NALF1: variants seen among roughly 807,000 people sequenced by gnomAD.
NALF1 encodes the protein NALCN channel auxiliary factor 1.
Under a neutral mutation model 48.4 loss-of-function variants are expected in NALF1, and 3 were observed. That is an observed-to-expected ratio of 0.06 (90% CI 0.03 to 0.16). NALF1 has a LOEUF of 0.16. Ranked by LOEUF, NALF1 falls within the 10% of genes least tolerant of loss-of-function variation. The pLI, the probability that NALF1 is intolerant of heterozygous loss-of-function variation, is 1.00. For synonymous variants in NALF1, 262 were observed against 245.7 expected, an observed-to-expected ratio of 1.07 and a Z score of -0.62; for missense variants, 526 against 571.5, an observed-to-expected ratio of 0.92 and a Z score of 0.81.
At chr13:107,273,077 G>C (rs572986064) in intron 1 of NALF1, among the ~76,000 whole-genome samples, 1 of 152,248 alleles carries the variant, frequency 6.6e-6, no homozygotes, top group African/African-American at 2.4e-5. Context: ...CTTTGAGGCT[G>C]GTTATAAAAC....
intron 1 of NALF1, among the ~76,000 whole-genome samples, chr13:107,230,967 G>A (rs531761658): frequency 1.3e-5 from 2 of 151,468 alleles, no homozygotes; most frequent in South Asian, 4.2e-4. Flanking sequence ...GGCTGAGGTG[G>A]GAGGATTGCT....
At chr13:107,598,148 C>A (rs1200481636) in intron 1 of NALF1, among the ~76,000 whole-genome samples, 1 of 152,144 alleles carries the variant, frequency 6.6e-6, no homozygotes, top group East Asian at 1.9e-4. Context: ...TGGACACACA[C>A]AACATGCACA....
chr13:107,229,492 GTTA>G (rs1880175334), intron 1 of NALF1, among the ~76,000 whole-genome samples: 1 of 152,252 alleles, frequency 6.6e-6, no homozygotes, highest in East Asian at 1.9e-4. Context: ...TTATATAACT[GTTA>G]TTATGCATCA....
chr13:107,783,259 C>G (rs77817119), intron 1 of NALF1, among the ~76,000 whole-genome samples: 3,351 of 43,944 alleles, frequency 0.076, 510 homozygotes, highest in Non-Finnish European at 0.11. Context: ...GCCCCCCGCC[C>G]GGCCAGTCGC....
chr13:107,753,655 T>C (rs555979396), intron 1 of NALF1, among the ~76,000 whole-genome samples: 10 of 152,318 alleles, frequency 6.6e-5, no homozygotes, highest in African/African-American at 2.4e-4. Context: ...ACAGAATACT[T>C]TCTGCATGGG....
At chr13:107,479,692 A>G (rs1885225207) in intron 1 of NALF1, among the ~76,000 whole-genome samples, 2 of 152,302 alleles carry the variant, frequency 1.3e-5, no homozygotes, top group East Asian at 1.9e-4. Flanking sequence ...TACATGCACC[A>G]CCAATTAATA....
intron 1 of NALF1, among the ~76,000 whole-genome samples, chr13:107,549,181 T>G (rs1160918871): frequency 6.6e-6 from 1 of 152,162 alleles, no homozygotes; most frequent in Non-Finnish European, 1.5e-5. Context: ...GCAAAATCAG[T>G]AGAAGTTAAT....
intron 1 of NALF1, among the ~76,000 whole-genome samples, chr13:107,863,217 A>T (rs1477969711): frequency 6.6e-6 from 1 of 152,112 alleles, no homozygotes; most frequent in Admixed American, 6.5e-5. Flanking sequence ...CATCTGAAAT[A>T]AGTAAAAGTG....
intron 1 of NALF1, among the ~76,000 whole-genome samples, chr13:107,816,720 T>G (rs117311297): frequency 0.017 from 2,614 of 152,222 alleles, 81 homozygotes; most frequent in African/African-American, 0.06. Context: ...TATGACAAAG[T>G]TTGCTGAACT....
chr13:107,223,762 T>C (rs1191434869), intron 1 of NALF1, among the ~76,000 whole-genome samples: 1 of 152,158 alleles, frequency 6.6e-6, no homozygotes, highest in African/African-American at 2.4e-5. Context: ...GTGTGTATCT[T>C]AGAGAAAAAT....
intron 1 of NALF1, among the ~76,000 whole-genome samples, chr13:107,277,251 C>A (rs1019963467): frequency 2.0e-5 from 3 of 152,020 alleles, no homozygotes; most frequent in African/African-American, 7.2e-5. Context: ...ATCTTAATTA[C>A]TTGTGTCTCC....
At chr13:107,865,648 T>C in intron 1 of NALF1, 34 bp downstream of exon 1, 2 of 1,597,718 alleles carry the variant, frequency 1.3e-6, no homozygotes, top group Non-Finnish European at 1.7e-6. Context: ...GATAGGAAAG[T>C]GCAGGAAAGG....
At chr13:107,246,640 C>T (rs1443340127) in intron 1 of NALF1, among the ~76,000 whole-genome samples, 1 of 152,158 alleles carries the variant, frequency 6.6e-6, no homozygotes, top group African/African-American at 2.4e-5. Flanking sequence ...TGATCAAGAA[C>T]ATTTTTCTAT....
chr13:107,338,165 G>GA (rs972333336), intron 1 of NALF1, among the ~76,000 whole-genome samples: 4 of 152,088 alleles, frequency 2.6e-5, no homozygotes, highest in African/African-American at 9.7e-5. Context: ...AAATAATAAT[G>GA]AAAAATATTT....
intron 1 of NALF1, among the ~76,000 whole-genome samples, chr13:107,739,687 C>G (rs923447236): frequency 6.6e-6 from 1 of 152,052 alleles, no homozygotes; most frequent in Non-Finnish European, 1.5e-5. Flanking sequence ...AATCCCCAAC[C>G]CCAGGTCCAT....
chr13:107,618,506 T>A (rs1248165594), intron 1 of NALF1, among the ~76,000 whole-genome samples: 3 of 152,018 alleles, frequency 2.0e-5, no homozygotes, highest in Non-Finnish European at 2.9e-5. Flanking sequence ...GTGCAGAAAA[T>A]GAATTAGAGT....
In NALF1 at chr13:107,573,184, A is replaced by C. The variant is rs547720958; in HGVS notation, c.915+292498T>G. On this transcript the variant is annotated intron_variant, in intron 1 of 2. Transcript: ENST00000375915. ...GACCACAGCAGCCAAGAGCCCACAG[A>C]ACTAGTATTAGAACAGAATTGCTTC... Among the ~76,000 whole-genome samples, 181 of 152,304 alleles carry C rather than the reference A, an allele frequency of 1.2e-3. 3 individuals are homozygous for C. The highest frequency in any genetic ancestry group is 4.1e-3 in the African/African-American group (172 of 41,568).
intron 1 of NALF1, among the ~76,000 whole-genome samples, chr13:107,647,608 G>T (rs1173347072): frequency 6.6e-6 from 1 of 151,988 alleles, no homozygotes; most frequent in East Asian, 1.9e-4. Context: ...ATTAAAAAAG[G>T]TATGTACTTT....
chr13:107,526,294 G>A (rs1316619301), intron 1 of NALF1, among the ~76,000 whole-genome samples: 1 of 152,086 alleles, frequency 6.6e-6, no homozygotes, highest in Non-Finnish European at 1.5e-5. Context: ...CAGTGCCTCT[G>A]AACTCACCTC....
Sources: allele counts gnomAD v4.1 joint callset (sites outside exome capture counted in the v4.1 genomes callset), GRCh38; gene constraint gnomAD v4.1.1; transcripts MANE v1.5; gene names NCBI Gene and HGNC (gene_info 2026-07-23, HGNC 2026-07-21).